The following GRM8 variants were observed in gnomAD, a reference collection of about 807,000 sequenced individuals.
The protein encoded by GRM8 is metabotropic glutamate receptor 8.
A neutral mutation model predicts 87.2 loss-of-function variants in GRM8; 47 were observed. The ratio of observed to expected loss-of-function variants is 0.54; its 90% CI spans 0.43 to 0.69. The LOEUF is 0.69. Ranked by LOEUF, GRM8 falls within the 30% of genes least tolerant of loss-of-function variation. The pLI is 0.00. For missense variants in GRM8, 1,019 were observed against 1,139.2 expected (o/e 0.89, Z 1.52); for synonymous variants, 396 against 404.5 (o/e 0.98, Z 0.25).
At chr7:127,074,923 T>C (rs1822105197) in intron 3 of GRM8, among the ~76,000 whole-genome samples, 1 of 152,204 alleles carries the variant, frequency 6.6e-6, no homozygotes, top group Non-Finnish European at 1.5e-5. Flanking sequence ...TCCTCAGGTG[T>C]TCATGAGTGT....
Position 126,902,887 on chromosome 7 carries a change from C to T in GRM8, c.1019-208G>A, listed in dbSNP as rs184949124. ...AATGGACAATCCCCCCACACCACCACCAGTACCCAAGCACCTGGCTCTATG... is the reference window on the plus strand; with the variant it reads ...AATGGACAATCCCCCCACACCACCATCAGTACCCAAGCACCTGGCTCTATG... On this transcript the variant is annotated intron_variant, in intron 5 of 10. Coordinates refer to ENST00000339582, the MANE Select transcript of GRM8 (RefSeq NM_000845.3). 2.1e-3 allele frequency among the ~76,000 whole-genome samples: 321 copies of T among 152,278 alleles called. 3 individuals are homozygous for T. Among genetic ancestry groups the T allele is most frequent in the Middle Eastern group, 3.4e-3 (1 of 294 alleles).
intron 2 of GRM8, among the ~76,000 whole-genome samples, chr7:127,211,891 G>C (rs1386583898): frequency 6.6e-6 from 1 of 152,178 alleles, no homozygotes; most frequent in Non-Finnish European, 1.5e-5. Context: ...AACGGGAACA[G>C]ACTAACACAA....
chr7:126,630,032 T>TGCTAGCAAAAACTAA, intron 7 of GRM8, among the ~76,000 whole-genome samples: 1 of 152,244 alleles, frequency 6.6e-6, no homozygotes, highest in East Asian at 1.9e-4. Context: ...CTAGCAATCA[T>TGCTAGCAAAAACTAA]GATTTTGAAA....
intron 9 of GRM8, among the ~76,000 whole-genome samples, chr7:126,447,516 T>G (rs1256245294): frequency 6.6e-6 from 1 of 151,968 alleles, no homozygotes; most frequent in Non-Finnish European, 1.5e-5. Flanking sequence ...AATCTGTTAG[T>G]CTTGCTAACA....
intron 8 of GRM8, among the ~76,000 whole-genome samples, chr7:126,589,966 G>A (rs935009842): frequency 1.3e-5 from 2 of 152,012 alleles, no homozygotes; most frequent in Non-Finnish European, 2.9e-5. Flanking sequence ...GACAAAACAA[G>A]GTTGTTTAGC....
intron 3 of GRM8, among the ~76,000 whole-genome samples, chr7:127,038,647 T>A (rs1434155071): frequency 6.6e-6 from 1 of 152,096 alleles, no homozygotes; most frequent in Non-Finnish European, 1.5e-5. Flanking sequence ...AAATAAAAAA[T>A]TCAGAAGACA....
chr7:126,545,549 C>A (rs949245613), intron 8 of GRM8, among the ~76,000 whole-genome samples: 8 of 152,090 alleles, frequency 5.3e-5, no homozygotes, highest in African/African-American at 1.7e-4. Context: ...ATAAAAATTA[C>A]TATTTTAGCT....
chr7:126,528,646 GTT>G (rs1814309198), intron 9 of GRM8, among the ~76,000 whole-genome samples: 1 of 136,038 alleles, frequency 7.4e-6, no homozygotes, highest in African/African-American at 2.7e-5. Flanking sequence ...GTGTGTGTGT[GTT>G]TGTATTTATT....
intron 3 of GRM8, among the ~76,000 whole-genome samples, chr7:127,068,913 T>G (rs903838102): frequency 6.6e-6 from 1 of 152,168 alleles, no homozygotes; most frequent in Non-Finnish European, 1.5e-5. Flanking sequence ...CACTTTATAC[T>G]TAAGCATGTG....
rs78364822 is a variant in GRM8 at position 126,772,315 on chromosome 7, C to T, written c.1157-2250G>A. On this transcript the variant is annotated intron_variant, in intron 6 of 10. Transcript: ENST00000339582. ...AAGACTGAATAACAACTTTGAGGAT[C>T]AGTCCCTAGGTCTGGATGGATATCC... 2.8e-3 allele frequency among the ~76,000 whole-genome samples: 424 copies of T among 152,244 alleles called. 4 individuals carry two copies. Among genetic ancestry groups the T allele is most frequent in the African/African-American group, 9.3e-3 (385 of 41,562 alleles).
intron 3 of GRM8, among the ~76,000 whole-genome samples, chr7:127,079,420 C>T (rs946545214): frequency 2.6e-5 from 4 of 152,188 alleles, no homozygotes; most frequent in South Asian, 2.1e-4. Context: ...CCACGCCCAG[C>T]CGTGTATTTT....
rs756796114 is a variant in GRM8 at position 127,230,995 on chromosome 7, G to A, written c.510+11700C>T. Among the ~76,000 whole-genome samples the A allele has an allele frequency of 1.1e-4, 16 of 152,126 alleles. No individual in the cohort carries two copies. The East Asian group carries it at 1.9e-3, about 18-fold the overall frequency. ...CTTTTTACACGGTTTTATATTGCTC[G>A]TGGTTATTTTACAGGATTTTGGTCA... is the stretch of plus-strand genomic sequence containing the variant. On this transcript the variant is annotated intron_variant, in intron 2 of 10. Coordinates refer to ENST00000339582, the MANE Select transcript of GRM8 (RefSeq NM_000845.3).
chr7:126,989,720 T>C (rs1162368904), intron 3 of GRM8, among the ~76,000 whole-genome samples: 1 of 152,184 alleles, frequency 6.6e-6, no homozygotes, highest in African/African-American at 2.4e-5. Context: ...GGCAGGCAGA[T>C]TGCTTGAACC....
intron 10 of GRM8, chr7:126,445,482 G>C (rs1458972210): frequency 1.3e-5 from 2 of 152,206 alleles, no homozygotes; most frequent in Non-Finnish European, 2.9e-5. Flanking sequence ...GTAAAGAAAA[G>C]AAAAATGGAA....
At chr7:126,510,769 T>C (rs1278079335) in intron 9 of GRM8, among the ~76,000 whole-genome samples, 1 of 150,734 alleles carries the variant, frequency 6.6e-6, no homozygotes, top group Non-Finnish European at 1.5e-5. Context: ...GGACTCAGTG[T>C]CTTTTAAGAG....
intron 3 of GRM8, among the ~76,000 whole-genome samples, chr7:127,013,831 T>C (rs1045154103): frequency 1.3e-5 from 2 of 152,170 alleles, no homozygotes; most frequent in Non-Finnish European, 1.5e-5. Flanking sequence ...ATGGAGCTTA[T>C]AGTCCAGCTG....
chr7:126,618,316 C>T (rs559667546), intron 7 of GRM8, among the ~76,000 whole-genome samples: 1 of 152,152 alleles, frequency 6.6e-6, no homozygotes, highest in Admixed American at 6.6e-5. Context: ...GGAAAACTGG[C>T]TAGCCATATG....
chr7:126,835,469 C>T (rs1795758540), intron 6 of GRM8, among the ~76,000 whole-genome samples: 1 of 152,114 alleles, frequency 6.6e-6, no homozygotes, highest in East Asian at 1.9e-4. Flanking sequence ...AAAAATCTGT[C>T]AGCCAAGTTC....
chr7:126,659,348 A>C (rs757439800), intron 7 of GRM8, among the ~76,000 whole-genome samples: 3 of 152,202 alleles, frequency 2.0e-5, no homozygotes, highest in Non-Finnish European at 4.4e-5. Context: ...GAGCTTTGTA[A>C]ACTAAAAATA....
Sources: allele counts gnomAD v4.1 joint callset (sites outside exome capture counted in the v4.1 genomes callset), GRCh38; gene constraint gnomAD v4.1.1; transcripts MANE v1.5; gene names NCBI Gene and HGNC (gene_info 2026-07-23, HGNC 2026-07-21).